Variants in TSHZ2 observed in about 807,000 individuals in gnomAD.
TSHZ2 encodes teashirt homolog 2.
A neutral mutation model predicts 74.4 loss-of-function variants in TSHZ2; 21 were observed. The observed-to-expected ratio is 0.28, with a 90% CI of 0.20 to 0.41. The LOEUF (loss-of-function observed/expected upper bound fraction) is 0.41. TSHZ2 is among the 10% of genes least tolerant of loss of function. The probability of loss-of-function intolerance (pLI) is 1.00; values close to 1 mark genes in which losing one functional copy is unlikely to be tolerated. For missense variants in TSHZ2, 1,244 were observed against 1,293.5 expected (o/e 0.96, Z 0.59); for synonymous variants, 540 against 515.3 (o/e 1.05, Z -0.65).
At chr20:53,193,464 T>C (rs1197687352) in intron 1 of TSHZ2, among the ~76,000 whole-genome samples, 1 of 151,996 alleles carries the variant, frequency 6.6e-6, no homozygotes, top group Admixed American at 6.5e-5. Context: ...ACACCCCCTT[T>C]TGTAACATTC....
intron 1 of TSHZ2, among the ~76,000 whole-genome samples, chr20:53,014,537 T>C (rs2123011332): frequency 6.6e-6 from 1 of 152,190 alleles, no homozygotes; most frequent in East Asian, 1.9e-4. Context: ...CCTGGATTCC[T>C]GCTGCTCATG....
At chr20:53,011,113 G>GA (rs1356641320) in intron 1 of TSHZ2, among the ~76,000 whole-genome samples, 2 of 152,156 alleles carry the variant, frequency 1.3e-5, no homozygotes, top group African/African-American at 4.8e-5. Flanking sequence ...GTAACTCAGG[G>GA]AAAAAATATA....
chr20:53,204,725 T>C (rs1401110765), intron 1 of TSHZ2, among the ~76,000 whole-genome samples: 1 of 152,120 alleles, frequency 6.6e-6, no homozygotes, highest in Non-Finnish European at 1.5e-5. Flanking sequence ...AGAATAACTC[T>C]TTGAAGCTAT....
At chr20:53,131,660 T>C (rs926742979) in intron 1 of TSHZ2, among the ~76,000 whole-genome samples, 3 of 151,886 alleles carry the variant, frequency 2.0e-5, no homozygotes, top group Non-Finnish European at 2.9e-5. Flanking sequence ...TTTAGGCATC[T>C]AGATTTTGAA....
chr20:53,399,494 A>C (rs1982574634), intron 2 of TSHZ2: 1 of 152,178 alleles, frequency 6.6e-6, no homozygotes, highest in African/African-American at 2.4e-5. Flanking sequence ...TCTGCATCTG[A>C]AACTTAGAGG....
intron 2 of TSHZ2, among the ~76,000 whole-genome samples, chr20:53,436,214 G>T (rs1984059528): frequency 1.3e-5 from 2 of 152,180 alleles, no homozygotes; most frequent in Admixed American, 1.3e-4. Flanking sequence ...AGCTATGATG[G>T]TTCCAAAGCT....
At chr20:53,032,761 A>G (rs911824111) in intron 1 of TSHZ2, among the ~76,000 whole-genome samples, 6 of 148,580 alleles carry the variant, frequency 4.0e-5, no homozygotes, top group African/African-American at 1.5e-4. Flanking sequence ...TTTTTTTCCG[A>G]CTCCTTTCTT....
chr20:53,068,993 G>A (rs1311111170), intron 1 of TSHZ2, among the ~76,000 whole-genome samples: 3 of 151,940 alleles, frequency 2.0e-5, no homozygotes, highest in African/African-American at 7.2e-5. Flanking sequence ...AGAAAGGAAA[G>A]GAAAAGAAAA....
At chr20:53,138,316 T>G (rs1987299358) in intron 1 of TSHZ2, among the ~76,000 whole-genome samples, 1 of 150,654 alleles carries the variant, frequency 6.6e-6, no homozygotes, top group Non-Finnish European at 1.5e-5. Context: ...CCCAGGAGGC[T>G]GAGCTTGCAG....
At chr20:53,342,143 G>A (rs926088291) in intron 2 of TSHZ2, among the ~76,000 whole-genome samples, 3 of 152,022 alleles carry the variant, frequency 2.0e-5, no homozygotes, top group African/African-American at 7.3e-5. Flanking sequence ...GAACCAGCAC[G>A]GATACGTTAT....
intron 1 of TSHZ2, among the ~76,000 whole-genome samples, chr20:53,101,431 A>G (rs1449321429): frequency 6.6e-6 from 1 of 152,222 alleles, no homozygotes; most frequent in Non-Finnish European, 1.5e-5. Flanking sequence ...TCATTGTAGC[A>G]ACTTTTAATA....
intron 1 of TSHZ2, among the ~76,000 whole-genome samples, chr20:53,102,787 G>T (rs777750725): frequency 1.3e-5 from 2 of 152,092 alleles, no homozygotes; most frequent in Non-Finnish European, 2.9e-5. Context: ...AGCTCATGTA[G>T]TTTAGGAGAG....
chr20:53,186,031 G>A (rs1361217137), intron 1 of TSHZ2, among the ~76,000 whole-genome samples: 3 of 152,100 alleles, frequency 2.0e-5, no homozygotes, highest in Admixed American at 6.5e-5. Flanking sequence ...TGCTGCAAAC[G>A]CTTCCAATGT....
chr20:53,253,550 A>T lies in TSHZ2; in HGVS notation c.92A>T (p.Glu31Val). ...GAAGAGGAGGAAATAAAAGAAGAGG[A>T]GGAGGAGGAGGACAGCGGTTCAGTA... is the stretch of plus-strand genomic sequence containing the variant. ...LKEEEEIKEE[E>V]EEEDSGSVAQ... is the part of the protein sequence containing the mutation. Residue 31 changes from glutamate to valine, a missense_variant, in exon 2 of 3, where the codon GAG (glutamate) becomes GTG (valine). Around this residue, in one of 6 missense-constraint regions of TSHZ2, gnomAD observed 470 missense variants for 456.5 expected, o/e 1.03. Coordinates refer to ENST00000371497, the MANE Select transcript of TSHZ2 (RefSeq NM_173485.6). 6.2e-7 allele frequency: 1 copy of T among 1,613,626 alleles called. No individual in the cohort carries two copies.
chr20:53,340,106 A>T (rs1053624551), intron 2 of TSHZ2, among the ~76,000 whole-genome samples: 1 of 151,926 alleles, frequency 6.6e-6, no homozygotes, highest in Admixed American at 6.6e-5. Context: ...GAAGCAATAA[A>T]TGCCAATGCC....
chr20:53,099,449 C>G (rs1045383934), intron 1 of TSHZ2, among the ~76,000 whole-genome samples: 3 of 102,764 alleles, frequency 2.9e-5, no homozygotes, highest in Admixed American at 2.2e-4. Context: ...TGGTCCCTCT[C>G]TGATCATTTG....
chr20:53,470,600 G>C (rs565392926), intron 2 of TSHZ2, among the ~76,000 whole-genome samples: 1 of 152,186 alleles, frequency 6.6e-6, no homozygotes, highest in Non-Finnish European at 1.5e-5. Context: ...CAGATCACTT[G>C]AGGCCAGGAG....
chr20:53,341,722 C>T lies in TSHZ2; in HGVS notation c.*8+85151C>T, dbSNP rs59919800. Among the ~76,000 whole-genome samples the T allele has an allele frequency of 8.1e-3, 1,230 of 151,896 alleles. 16 individuals carry two copies. The highest frequency in any genetic ancestry group is 0.027 in the African/African-American group (1,131 of 41,428). Reference sequence around the variant, plus strand: ...ATTTGCTTTGTGGGGCAGGGGGGTGCGGGCTGGGGGGACAGAGCTGCTCTG... The same window carrying T: ...ATTTGCTTTGTGGGGCAGGGGGGTGTGGGCTGGGGGGACAGAGCTGCTCTG... On this transcript the variant is annotated intron_variant, in intron 2 of 2. Transcript: ENST00000371497.
chr20:52,992,849 ATC>A (rs1419654807), intron 1 of TSHZ2, among the ~76,000 whole-genome samples: 1 of 152,240 alleles, frequency 6.6e-6, no homozygotes, highest in African/African-American at 2.4e-5. Flanking sequence ...TAGCATCAAC[ATC>A]TGTGTTTCCA....
Sources: allele counts gnomAD v4.1 joint callset (sites outside exome capture counted in the v4.1 genomes callset), GRCh38; gene constraint gnomAD v4.1.1; regional missense constraint gnomAD v4.1.1; transcripts MANE v1.5; gene names NCBI Gene and HGNC (gene_info 2026-07-23, HGNC 2026-07-21).